GRID2: variants seen among roughly 807,000 people sequenced by gnomAD.
The protein encoded by GRID2 is glutamate receptor ionotropic, delta-2.
A neutral mutation model predicts 114.8 loss-of-function variants in GRID2; 33 were observed. The ratio of observed to expected loss-of-function variants is 0.29; its 90% confidence interval spans 0.22 to 0.38. GRID2 has a LOEUF of 0.38. Among genes scored for constraint, GRID2 ranks in the 10% least tolerant of loss-of-function variants. The probability of loss-of-function intolerance (pLI) is 1.00; values close to 1 mark genes in which losing one functional copy is unlikely to be tolerated. For missense variants in GRID2, 1,184 were observed against 1,257.7 expected (o/e 0.94, Z 0.89); for synonymous variants, 505 against 449.9 (o/e 1.12, Z -1.55).
intron 1 of GRID2, among the ~76,000 whole-genome samples, chr4:92,332,358 C>G (rs995104659): frequency 6.6e-6 from 1 of 152,046 alleles, no homozygotes; most frequent in Non-Finnish European, 1.5e-5. Context: ...TTAGATCATT[C>G]ATGAAGGTGG....
intron 2 of GRID2, among the ~76,000 whole-genome samples, chr4:92,992,193 CAT>C (rs954526103): frequency 2.6e-5 from 4 of 152,110 alleles, no homozygotes; most frequent in African/African-American, 9.7e-5. Context: ...GAGCCATTCT[CAT>C]AAGGTAAATA....
chr4:93,792,878 G>A (rs576004867), intron 1 of GRID2, among the ~76,000 whole-genome samples: 2 of 152,260 alleles, frequency 1.3e-5, no homozygotes, highest in Admixed American at 6.5e-5. Flanking sequence ...AGTGCCAGCT[G>A]GAGGTCCCAC....
chr4:93,440,249 G>A (rs1250071019), intron 10 of GRID2, among the ~76,000 whole-genome samples: 2 of 152,016 alleles, frequency 1.3e-5, no homozygotes, highest in African/African-American at 2.4e-5. Flanking sequence ...TTTGCCCACC[G>A]AAGAAGAACC....
intron 2 of GRID2, among the ~76,000 whole-genome samples, chr4:92,876,521 A>G (rs560826743): frequency 3.3e-5 from 5 of 151,990 alleles, no homozygotes; most frequent in Admixed American, 6.6e-5. Flanking sequence ...AACCAGGATG[A>G]TCTAGATCTC....
At chr4:93,301,269 AT>A (rs1754841197) in intron 8 of GRID2, among the ~76,000 whole-genome samples, 1 of 152,198 alleles carries the variant, frequency 6.6e-6, no homozygotes, top group African/African-American at 2.4e-5. Context: ...TCTTTTTGAC[AT>A]ACCATTTATC....
At chr4:93,107,747 G>A (rs6825233) in intron 3 of GRID2, among the ~76,000 whole-genome samples, 4 of 151,556 alleles carry the variant, frequency 2.6e-5, no homozygotes, top group African/African-American at 9.7e-5. Context: ...ACCCACCTCA[G>A]CCTCCCAAAG....
chr4:93,300,205 T>C (rs1754718917), intron 8 of GRID2, among the ~76,000 whole-genome samples: 1 of 152,090 alleles, frequency 6.6e-6, no homozygotes. Flanking sequence ...CCTCCTGAGT[T>C]TGCTGGGATT....
chr4:92,450,706 T>C (rs1443980210), intron 1 of GRID2, among the ~76,000 whole-genome samples: 2 of 151,804 alleles, frequency 1.3e-5, no homozygotes, highest in Non-Finnish European at 2.9e-5. Flanking sequence ...TAATGGTACT[T>C]TTCTGAATAA....
At chr4:92,882,712 T>G (rs1338908179) in intron 2 of GRID2, among the ~76,000 whole-genome samples, 8 of 152,332 alleles carry the variant, frequency 5.3e-5, no homozygotes, top group African/African-American at 1.9e-4. Flanking sequence ...ACAAAGATGT[T>G]TGGTGTCCCA....
At chr4:92,925,424 C>T (rs1045660760) in intron 2 of GRID2, among the ~76,000 whole-genome samples, 4 of 151,668 alleles carry the variant, frequency 2.6e-5, no homozygotes, top group Non-Finnish European at 2.9e-5. Flanking sequence ...AAAGAAAAGC[C>T]CTGAAGTAAT....
intron 1 of GRID2, among the ~76,000 whole-genome samples, chr4:92,474,163 A>G (rs930281809): frequency 2.6e-5 from 4 of 151,914 alleles, no homozygotes; most frequent in Non-Finnish European, 4.4e-5. Context: ...TGACCTCAAC[A>G]TCTCTCCCAT....
At chr4:93,685,478 A>C (rs1321504640) in intron 14 of GRID2, among the ~76,000 whole-genome samples, 1 of 152,080 alleles carries the variant, frequency 6.6e-6, no homozygotes, top group African/African-American at 2.4e-5. Context: ...CGTCACAACT[A>C]AAACAAGTGT....
intron 2 of GRID2, among the ~76,000 whole-genome samples, chr4:92,868,588 G>T (rs1250928382): frequency 6.6e-6 from 1 of 152,104 alleles, no homozygotes; most frequent in Non-Finnish European, 1.5e-5. Flanking sequence ...TCAGTATGTT[G>T]ACATTATTTG....
At position 93,257,562 on chromosome 4, in the gene GRID2, A is replaced by G. The variant is rs546495416; in HGVS notation, c.1245+19072A>G. ...GAAGACATTTAAGCCTACAAGTAAT[A>G]AACTGAAAATATATTTCTCTTATCT... is the stretch of plus-strand genomic sequence containing the variant. On this transcript the variant is annotated intron_variant, in intron 8 of 15. Coordinates refer to ENST00000282020, the MANE Select transcript of GRID2 (RefSeq NM_001510.4). Among the ~76,000 whole-genome samples the G allele has an allele frequency of 6.6e-5, 10 of 151,832 alleles. No individual in the cohort carries two copies. The East Asian group carries it at 1.7e-3, about 26-fold the overall frequency.
chr4:93,526,980 A>T (rs1730972660), intron 13 of GRID2, among the ~76,000 whole-genome samples: 1 of 152,202 alleles, frequency 6.6e-6, no homozygotes, highest in Non-Finnish European at 1.5e-5. Flanking sequence ...TGTCAAAAAC[A>T]TCTTTCAGGT....
At chr4:92,462,335 A>T in intron 1 of GRID2, among the ~76,000 whole-genome samples, 1 of 151,998 alleles carries the variant, frequency 6.6e-6, no homozygotes, top group East Asian at 1.9e-4. Context: ...GACTATCCTT[A>T]TCTATTGAGG....
chr4:92,444,489 C>A (rs1202326507), intron 1 of GRID2, among the ~76,000 whole-genome samples: 1 of 152,076 alleles, frequency 6.6e-6, no homozygotes, highest in African/African-American at 2.4e-5. Flanking sequence ...TCACTTAAGG[C>A]AAGGACTGGC....
Position 93,191,407 on chromosome 4 carries a change from A to G in GRID2, c.736-15997A>G, listed in dbSNP as rs576812343. 6.4e-4 allele frequency among the ~76,000 whole-genome samples: 97 copies of G among 152,188 alleles called. 1 individual carries two copies. The highest frequency in any genetic ancestry group is 2.2e-3 in the African/African-American group (92 of 41,560). ...TCTAAAATGTTGAGAGAGATTCTTT[A>G]TGGCCCTTATAAATAGAAACATTAA... On this transcript the variant is annotated intron_variant, in intron 4 of 15. Transcript: ENST00000282020.
At chr4:93,275,135 C>A (rs1351458849) in intron 8 of GRID2, among the ~76,000 whole-genome samples, 1 of 151,878 alleles carries the variant, frequency 6.6e-6, no homozygotes, top group Non-Finnish European at 1.5e-5. Flanking sequence ...TTTGCCTATT[C>A]TAGACATTTC....
Sources: allele counts gnomAD v4.1 joint callset (sites outside exome capture counted in the v4.1 genomes callset), GRCh38; gene constraint gnomAD v4.1.1; transcripts MANE v1.5; gene names NCBI Gene and HGNC (gene_info 2026-07-23, HGNC 2026-07-21).